The following CTNNA3 variants were observed in gnomAD, a reference collection of about 807,000 sequenced individuals.
The protein encoded by CTNNA3 is catenin alpha-3.
CTNNA3 carries 76 observed loss-of-function variants against 95.7 expected under a neutral mutation model. That is an observed-to-expected ratio of 0.79 (90% CI 0.66 to 0.96). The LOEUF (loss-of-function observed/expected upper bound fraction) is 0.96. Ranked by LOEUF, CTNNA3 falls within the 40% of genes least tolerant of loss-of-function variation. The pLI, the probability that CTNNA3 is intolerant of heterozygous loss-of-function variation, is 0.00. For synonymous variants in CTNNA3, 431 were observed against 374.4 expected, an observed-to-expected ratio of 1.15 and a Z score of -1.74; for missense variants, 1,191 against 1,089.8, an observed-to-expected ratio of 1.09 and a Z score of -1.31.
intron 2 of CTNNA3, among the ~76,000 whole-genome samples, chr10:67,643,520 T>A (rs75422490): frequency 0.13 from 20,184 of 152,038 alleles, 2,410 homozygotes; most frequent in African/African-American, 0.32. Flanking sequence ...TCTTTTCAAA[T>A]AAACAGGTTA....
chr10:66,679,398 A>T (rs1328659890), intron 9 of CTNNA3, among the ~76,000 whole-genome samples: 2 of 152,194 alleles, frequency 1.3e-5, no homozygotes, highest in Non-Finnish European at 2.9e-5. Context: ...AACAAACAAG[A>T]ATTCAGATTT....
At chr10:66,353,598 T>C (rs1351631052) in intron 12 of CTNNA3, among the ~76,000 whole-genome samples, 1 of 152,080 alleles carries the variant, frequency 6.6e-6, no homozygotes, top group Non-Finnish European at 1.5e-5. Context: ...GGAAGTAAAC[T>C]TATCTACATA....
At chr10:66,373,878 T>C (rs2092772857) in intron 12 of CTNNA3, among the ~76,000 whole-genome samples, 1 of 152,226 alleles carries the variant, frequency 6.6e-6, no homozygotes, top group Admixed American at 6.5e-5. Context: ...AAGAACCTTT[T>C]AAAAATCTGA....
At position 67,425,407 on chromosome 10, in the gene CTNNA3, T is replaced by C. The variant is rs565909797; in HGVS notation, c.579+96435A>G. ...CTCTCAATGACAGGAAGGAAGAAAG[T>C]TTCAAAAAGAGATGGGTGATCAGGC... On this transcript the variant is annotated intron_variant, in intron 5 of 17. Coordinates refer to ENST00000433211, the MANE Select transcript of CTNNA3 (RefSeq NM_013266.4). Among the ~76,000 whole-genome samples, 27 of 152,098 alleles carry C rather than the reference T, an allele frequency of 1.8e-4. 2 individuals are homozygous for C. The South Asian group carries it at 1.9e-3, about 11-fold the overall frequency.
chr10:66,434,631 C>T (rs960176859), intron 11 of CTNNA3, among the ~76,000 whole-genome samples: 1 of 152,118 alleles, frequency 6.6e-6, no homozygotes, highest in African/African-American at 2.4e-5. Context: ...CTTGAATATA[C>T]TTTATTTCTA....
At chr10:66,217,164 G>T (rs181970198) in intron 13 of CTNNA3, among the ~76,000 whole-genome samples, 1 of 152,046 alleles carries the variant, frequency 6.6e-6, no homozygotes, top group African/African-American at 2.4e-5. Flanking sequence ...GACCAGCCTG[G>T]CCAAGATGGT....
intron 5 of CTNNA3, among the ~76,000 whole-genome samples, chr10:67,429,963 AG>A (rs1846055818): frequency 6.6e-6 from 1 of 152,008 alleles, no homozygotes; most frequent in Admixed American, 6.6e-5. Flanking sequence ...TCATCAATTG[AG>A]GGAATTACCA....
At chr10:66,033,849 T>C (rs2079501148) in intron 15 of CTNNA3, among the ~76,000 whole-genome samples, 1 of 152,208 alleles carries the variant, frequency 6.6e-6, no homozygotes, top group South Asian at 2.1e-4. Flanking sequence ...ACTTATATAA[T>C]GTCTTCGCTC....
intron 10 of CTNNA3, among the ~76,000 whole-genome samples, chr10:66,538,749 G>T (rs1442286453): frequency 1.3e-5 from 2 of 152,092 alleles, no homozygotes; most frequent in Non-Finnish European, 2.9e-5. Context: ...TGGATTTAAA[G>T]AAAAGATAAA....
At chr10:66,163,678 T>C (rs1368096152) in intron 13 of CTNNA3, among the ~76,000 whole-genome samples, 4 of 152,178 alleles carry the variant, frequency 2.6e-5, no homozygotes, top group Non-Finnish European at 5.9e-5. Flanking sequence ...TTCAGTTATA[T>C]TATTATATAT....
chr10:66,294,890 G>A (rs2091750204), intron 12 of CTNNA3, among the ~76,000 whole-genome samples: 1 of 139,234 alleles, frequency 7.2e-6, no homozygotes, highest in African/African-American at 2.7e-5. Flanking sequence ...TCAGGACAGA[G>A]AGAGAGAGAG....
chr10:67,453,568 CT>C (rs1306077903), intron 5 of CTNNA3, among the ~76,000 whole-genome samples: 1 of 152,188 alleles, frequency 6.6e-6, no homozygotes, highest in Non-Finnish European at 1.5e-5. Context: ...GGAAAACAAA[CT>C]TCACTTTCCC....
At chr10:67,681,623 AT>A (rs1403696580) in intron 1 of CTNNA3, among the ~76,000 whole-genome samples, 1 of 152,068 alleles carries the variant, frequency 6.6e-6, no homozygotes, top group African/African-American at 2.4e-5. Flanking sequence ...TGTATAATAC[AT>A]TTTTAAAGTA....
rs146435538 is a variant in CTNNA3, at chr10:67,027,705, AG to A, written c.1047+152611del. Among the ~76,000 whole-genome samples the A allele has an allele frequency of 7.7e-3, 1,173 of 152,272 alleles. 39 individuals are homozygous for A. The East Asian group carries it at 0.11, about 14-fold the overall frequency. On this transcript the variant is annotated intron_variant, in intron 7 of 17. Transcript: ENST00000433211. ...TGGCCTCCCAAAGTGCTGGGATTAC[AG>A]GCATGAGCCACCGTGCCCGGCTGAC... is the stretch of plus-strand genomic sequence containing the variant.
chr10:66,358,325 A>G (rs2092627125), intron 12 of CTNNA3, among the ~76,000 whole-genome samples: 1 of 151,818 alleles, frequency 6.6e-6, no homozygotes, highest in South Asian at 2.1e-4. Flanking sequence ...TTCAGCTTGC[A>G]GAAGAGTCTA....
At chr10:66,879,167 C>T (rs1363162116) in intron 7 of CTNNA3, among the ~76,000 whole-genome samples, 2 of 152,092 alleles carry the variant, frequency 1.3e-5, no homozygotes, top group African/African-American at 2.4e-5. Context: ...AAGGCTTGTG[C>T]TGTTACCTGT....
rs552080270 is a variant in CTNNA3 at position 67,728,825 on chromosome 10, C to A, written c.-2+34609G>T. Reference sequence around the variant, plus strand: ...CGGACTGACTGCTATGTGGTACTTACTTACACACTGAAACAAAAATGAAAA... The same window carrying A: ...CGGACTGACTGCTATGTGGTACTTAATTACACACTGAAACAAAAATGAAAA... On this transcript the variant is annotated intron_variant, in intron 1 of 17. Transcript: ENST00000684154. 2.0e-5 allele frequency among the ~76,000 whole-genome samples: 3 copies of A among 152,168 alleles called. No homozygotes were observed. The South Asian group carries it at 6.2e-4, about 32-fold the overall frequency.
chr10:66,541,053 A>G (rs1298487426), intron 10 of CTNNA3, among the ~76,000 whole-genome samples: 7 of 152,050 alleles, frequency 4.6e-5, no homozygotes, highest in Admixed American at 1.3e-4. Flanking sequence ...TTCTCTCAAA[A>G]AGAAAAAAAC....
intron 7 of CTNNA3, among the ~76,000 whole-genome samples, chr10:67,143,320 G>T (rs1158978252): frequency 6.6e-6 from 1 of 150,610 alleles, no homozygotes; most frequent in South Asian, 2.1e-4. Flanking sequence ...TACTCGAGAG[G>T]CTGGGACAGA....
Sources: allele counts gnomAD v4.1 joint callset (sites outside exome capture counted in the v4.1 genomes callset), GRCh38; gene constraint gnomAD v4.1.1; transcripts MANE v1.5; gene names NCBI Gene and HGNC (gene_info 2026-07-23, HGNC 2026-07-21).